CACNA1S: variants seen among roughly 807,000 people sequenced by gnomAD.
CACNA1S encodes voltage-dependent L-type calcium channel subunit alpha-1S.
In CACNA1S, 126 loss-of-function variants were observed where a neutral mutation model predicts 207.4. The ratio of observed to expected loss-of-function variants is 0.61; its 90% confidence interval spans 0.53 to 0.70. The LOEUF (loss-of-function observed/expected upper bound fraction) is 0.70. Ranked by LOEUF, CACNA1S falls within the 30% of genes least tolerant of loss-of-function variation. The probability of loss-of-function intolerance (pLI) is 0.00; values close to 1 mark genes in which losing one functional copy is unlikely to be tolerated. For synonymous variants in CACNA1S, 960 were observed against 932.7 expected, an observed-to-expected ratio of 1.03 and a Z score of -0.53; for missense variants, 2,349 against 2,422.8, an observed-to-expected ratio of 0.97 and a Z score of 0.64.
chr1:201,058,349 G>C (rs1054645661), intron 28 of CACNA1S, 59 bp downstream of exon 28: 18 of 1,416,990 alleles, frequency 1.3e-5, no homozygotes, highest in Non-Finnish European at 1.7e-5. Context: ...AAATATCTGT[G>C]GATTGAACAC....
At chr1:201,076,553 C>A (rs556658851) in intron 12 of CACNA1S, among the ~76,000 whole-genome samples, 1 of 152,206 alleles carries the variant, frequency 6.6e-6, no homozygotes, top group Non-Finnish European at 1.5e-5. Flanking sequence ...TCTCAGCCTT[C>A]GGGAGAAAAA....
chr1:201,099,015 G>T (rs1662542668), intron 2 of CACNA1S, among the ~76,000 whole-genome samples: 1 of 152,118 alleles, frequency 6.6e-6, no homozygotes, highest in Admixed American at 6.5e-5. Flanking sequence ...GTCTTGGGTT[G>T]AAAAAAGCAG....
At chr1:201,071,360 G>A (rs757302248) in intron 16 of CACNA1S, among the ~76,000 whole-genome samples, 1 of 151,362 alleles carries the variant, frequency 6.6e-6, no homozygotes, top group Non-Finnish European at 1.5e-5. Flanking sequence ...GTGTCCTAAC[G>A]TGACACTTTC....
chr1:201,083,878 C>T (rs528047079), intron 9 of CACNA1S, among the ~76,000 whole-genome samples: 2 of 152,280 alleles, frequency 1.3e-5, no homozygotes, highest in South Asian at 2.1e-4. Flanking sequence ...CTCAGACTTC[C>T]GAGGAGCTGG....
intron 36 of CACNA1S, among the ~76,000 whole-genome samples, chr1:201,048,206 C>T (rs1380137025): frequency 1.3e-5 from 2 of 152,202 alleles, no homozygotes; most frequent in African/African-American, 4.8e-5. Context: ...TAGGTGAGGA[C>T]CTGCAGATTT....
chr1:201,049,205 C>T (rs916933910), intron 34 of CACNA1S, 106 bp from the exon 35 acceptor site: 1 of 772,400 alleles, frequency 1.3e-6, no homozygotes, highest in African/African-American at 1.7e-5. Flanking sequence ...AACAGGGGAG[C>T]ATTTCCTTAT....
rs143687285 is a variant in CACNA1S at position 201,050,737 on chromosome 1, G to A, written c.4114-221C>T. Among the ~76,000 whole-genome samples, 14 of 151,950 alleles carry A rather than the reference G, an allele frequency of 9.2e-5. No individual in the cohort carries two copies. In the East Asian group the frequency reaches 2.7e-3, roughly 29 times the overall value. On this transcript the variant is annotated intron_variant, in intron 33 of 43. Transcript: ENST00000362061. ...CTGGCCTTGCTAAATTCCTTTTGAT[G>A]AGTGCTAACCAAAACAAAAAAAAAA...
intron 11 of CACNA1S, 69 bp from the exon 12 acceptor site, chr1:201,077,196 G>C: frequency 7.4e-7 from 1 of 1,351,714 alleles, no homozygotes; most frequent in Admixed American, 1.8e-5. Context: ...GGTGTGGACA[G>C]GCTTGGGGGA....
intron 40 of CACNA1S, among the ~76,000 whole-genome samples, chr1:201,042,505 G>A (rs1028430574): frequency 6.6e-6 from 1 of 152,170 alleles, no homozygotes; most frequent in African/African-American, 2.4e-5. Context: ...CCCCCTTCAG[G>A]GCAGGGCCCA....
intron 28 of CACNA1S, among the ~76,000 whole-genome samples, chr1:201,056,070 GACACACACACACACAC>G (rs58170287): frequency 1.1e-5 from 1 of 94,830 alleles, no homozygotes; most frequent in South Asian, 4.6e-4. Context: ...CAGACAGACA[GACACACACACACACAC>G]ACACACACAC....
In CACNA1S at chr1:201,083,223, G is replaced by A; in HGVS notation, c.1332C>T (p.Leu444=). Residue 444 remains leucine, a synonymous_variant, in exon 10 of 44, where the codon CTC becomes CTT. Transcript: ENST00000362061. ...GCTCTGAGGCGATAGACAGGGTGTT[G>A]AGGGCAACGATGAGAATCACCAGCC... ...FYWLVILIVA[L]NTLSIASEHH... 6.2e-7 allele frequency: 1 copy of A among 1,614,224 alleles called. No homozygotes were observed. Among genetic ancestry groups the A allele is most frequent in the Non-Finnish European group, 8.5e-7 (1 of 1,180,044 alleles).
At position 201,069,589 on chromosome 1, in the gene CACNA1S, C is replaced by A; in HGVS notation, c.2373G>T (p.Leu791=). Residue 791 remains leucine (L), a synonymous_variant, in exon 18 of 44, where the codon CTG becomes CTT. Transcript: ENST00000362061. ...IFSPTNKIRV[L]CHRIVNATWF... is the part of the protein sequence containing the mutation. ...AGGTGGCATTGACGATGCGGTGACA[C>A]AGGACACGGATCCTGGTGGGGCGAG... 6.4e-7 allele frequency: 1 copy of A among 1,556,694 alleles called. No homozygotes were observed. The highest frequency in any genetic ancestry group is 8.7e-7 in the Non-Finnish European group (1 of 1,149,228).
Position 201,066,968 on chromosome 1 carries a change from T to G in CACNA1S, c.2576A>C (p.His859Pro). 2 of 1,614,116 alleles carry G rather than the reference T, an allele frequency of 1.2e-6. No individual in the cohort carries two copies. The highest frequency in any genetic ancestry group is 1.7e-6 in the Non-Finnish European group (2 of 1,179,960). ...GTAATTGCGGCAGAAGGAACCCTTGTGCAGGAAGGCTCCGTAGGTCGTCAT... is the reference window on the plus strand; with the variant it reads ...GTAATTGCGGCAGAAGGAACCCTTGGGCAGGAAGGCTCCGTAGGTCGTCAT... ...LKMTTYGAFL[H>P]KGSFCRNYFN... Residue 859 changes from histidine to proline, a missense_variant, in exon 20 of 44, where the codon CAC (histidine) becomes CCC (proline). Coordinates refer to ENST00000362061, the MANE Select transcript of CACNA1S (RefSeq NM_000069.3). The surrounding 1 kb of genome is among the most constrained non-coding windows in gnomAD (Gnocchi z 4.3).
chr1:201,110,127 A>C (rs1663040707), intron 2 of CACNA1S, 37 bp downstream of exon 2: 2 of 1,580,094 alleles, frequency 1.3e-6, no homozygotes. Flanking sequence ...CTGGGGCTGC[A>C]GGCTCGCAGG....
At position 201,052,667 on chromosome 1, in the gene CACNA1S, C is replaced by G. The variant is rs1244888096; in HGVS notation, c.3862-19G>C. The G allele has an allele frequency of 1.3e-6, 2 of 1,594,654 alleles. No individual in the cohort carries two copies. The highest frequency in any genetic ancestry group is 1.7e-6 in the Non-Finnish European group (2 of 1,162,462). On this transcript the variant is annotated intron_variant, in intron 31 of 43. Transcript: ENST00000362061. ...CAAACATCTGCAAGTCACAAAGGGCCCTGACTGTGGAACCTAGATTAAAGT... is the reference window on the plus strand; with the variant it reads ...CAAACATCTGCAAGTCACAAAGGGCGCTGACTGTGGAACCTAGATTAAAGT...
intron 10 of CACNA1S, among the ~76,000 whole-genome samples, chr1:201,081,740 C>T (rs900128785): frequency 2.6e-5 from 4 of 152,346 alleles, no homozygotes; most frequent in African/African-American, 7.2e-5. Context: ...GGACAGATTC[C>T]TCATGAATGG....
intron 2 of CACNA1S, 116 bp downstream of exon 2, chr1:201,110,048 C>T (rs905831415): frequency 8.5e-6 from 8 of 938,868 alleles, no homozygotes; most frequent in Non-Finnish European, 1.2e-5. Context: ...GCAGGGCCTG[C>T]ATCGTCAGGG....
chr1:201,084,402 A>G (rs796896142), intron 9 of CACNA1S, among the ~76,000 whole-genome samples: 10 of 152,356 alleles, frequency 6.6e-5, no homozygotes, highest in African/African-American at 1.9e-4. Flanking sequence ...GGAGACCTTC[A>G]TCTTTTCTTT....
chr1:201,053,301 AGT>A lies in CACNA1S; in HGVS notation c.3796-29_3796-28del. The A allele has an allele frequency of 6.2e-7, 1 of 1,612,298 alleles. No individual in the cohort carries two copies. Among genetic ancestry groups the A allele is most frequent in the Middle Eastern group, 1.7e-4 (1 of 6,044 alleles). On this transcript the variant is annotated intron_variant, in intron 30 of 43. Coordinates refer to ENST00000362061, the MANE Select transcript of CACNA1S (RefSeq NM_000069.3). This position sits in a 1 kb window ranked among gnomAD's most constrained non-coding sequence, Gnocchi z 5.1. ...TGCAGGGCGGGCGGGAGCGCCAGTCAGTGTCTTAGGGCTCCACTGTGTGTCTG... is the reference window on the plus strand; with the variant it reads ...TGCAGGGCGGGCGGGAGCGCCAGTCAGTCTTAGGGCTCCACTGTGTGTCTG...
Sources: gnomAD v4.1 joint callset for allele counts (sites outside exome capture counted in the v4.1 genomes callset) on GRCh38, gnomAD v4.1.1 for gene constraint, Gnocchi (gnomAD v3.1) non-coding constraint, MANE v1.5 for transcripts, NCBI Gene and HGNC (gene_info 2026-07-23, HGNC 2026-07-21) for gene names.